Variants in SOX5 observed in about 807,000 individuals in gnomAD.
SOX5 encodes the protein SRY-box transcription factor 5.
SOX5 carries 9 observed loss-of-function variants against 92.0 expected under a neutral mutation model. The ratio of observed to expected loss-of-function variants is 0.10; its 90% CI spans 0.06 to 0.17. The LOEUF is 0.17. SOX5 is among the 10% of genes least tolerant of loss of function. The pLI is 1.00. For synonymous variants in SOX5, 344 were observed against 336.3 expected, an observed-to-expected ratio of 1.02 and a Z score of -0.25; for missense variants, 642 against 944.5, an observed-to-expected ratio of 0.68 and a Z score of 4.20.
At position 23,564,974 on chromosome 12, in the gene SOX5, T is replaced by C. The variant is rs141850827; in HGVS notation, c.1343-1571A>G. ...TGATCCATGCCTCTTCCCCTGTTAG[T>C]ATGCGCAGAGTAGACCTGGTCCTCT... On this transcript the variant is annotated intron_variant, in intron 10 of 14. Transcript: ENST00000451604. Among the ~76,000 whole-genome samples, 424 of 152,316 alleles carry C rather than the reference T, an allele frequency of 2.8e-3. 1 individual carries two copies. Among genetic ancestry groups the C allele is most frequent in the Non-Finnish European group, 4.9e-3 (336 of 68,030 alleles).
chr12:24,364,090 T>C (rs781498015), intron 2 of SOX5, among the ~76,000 whole-genome samples: 3 of 152,260 alleles, frequency 2.0e-5, no homozygotes, highest in Non-Finnish European at 2.9e-5. Context: ...TCCCAATCAG[T>C]GACCGAAGCT....
At chr12:24,378,957 G>T (rs1957552044) in intron 1 of SOX5, among the ~76,000 whole-genome samples, 1 of 152,174 alleles carries the variant, frequency 6.6e-6, no homozygotes, top group Non-Finnish European at 1.5e-5. Context: ...ATGTAGATTT[G>T]TCATGTTCCG....
intron 4 of SOX5, among the ~76,000 whole-genome samples, chr12:24,035,823 A>G (rs1955978121): frequency 6.6e-6 from 1 of 152,088 alleles, no homozygotes; most frequent in Non-Finnish European, 1.5e-5. Context: ...TTAACTGTAC[A>G]GTACCAAAAT....
intron 1 of SOX5, among the ~76,000 whole-genome samples, chr12:24,396,049 C>A (rs954376644): frequency 6.6e-6 from 1 of 152,160 alleles, no homozygotes; most frequent in Admixed American, 6.5e-5. Context: ...TCCATCCTCT[C>A]GTGTCACATA....
intron 1 of SOX5, among the ~76,000 whole-genome samples, chr12:24,489,245 T>C (rs962483834): frequency 6.6e-6 from 1 of 152,242 alleles, no homozygotes; most frequent in African/African-American, 2.4e-5. Flanking sequence ...ATTTGCTTCA[T>C]GTAGATTTCA....
rs577921289 is a variant in SOX5, at chr12:23,855,468, G to A, written c.271-9275C>T. Among the ~76,000 whole-genome samples the A allele has an allele frequency of 7.2e-5, 11 of 152,054 alleles. No homozygotes were observed. In the South Asian group the frequency reaches 2.3e-3, roughly 31 times the overall value. ...TCATTATGAAATAAAACTATTAAAA[G>A]TGAAAGTTTGAAAAAAATGAAGAGT... On this transcript the variant is annotated intron_variant, in intron 2 of 14. Coordinates refer to ENST00000451604, the MANE Select transcript of SOX5 (RefSeq NM_006940.6).
At chr12:24,109,551 C>G (rs1232485939) in intron 4 of SOX5, among the ~76,000 whole-genome samples, 1 of 152,050 alleles carries the variant, frequency 6.6e-6, no homozygotes, top group Non-Finnish European at 1.5e-5. Context: ...AAGTGAGAAA[C>G]AAGTAACAAA....
intron 4 of SOX5, among the ~76,000 whole-genome samples, chr12:24,126,053 G>A (rs1949075011): frequency 6.6e-6 from 1 of 152,144 alleles, no homozygotes; most frequent in African/African-American, 2.4e-5. Context: ...TTCTCTTCCA[G>A]TAGGACCTGT....
chr12:23,821,472 G>A (rs886093365), intron 3 of SOX5, among the ~76,000 whole-genome samples: 2 of 152,200 alleles, frequency 1.3e-5, no homozygotes, highest in African/African-American at 4.8e-5. Context: ...TTGAATAGGA[G>A]TGGAGAGAGA....
At chr12:23,933,530 C>T (rs1941904612) in intron 1 of SOX5, among the ~76,000 whole-genome samples, 1 of 151,560 alleles carries the variant, frequency 6.6e-6, no homozygotes, top group Admixed American at 6.6e-5. Context: ...GTAAAGTTAC[C>T]TTATCTGCTA....
At chr12:23,668,215 T>C (rs2084160135) in intron 6 of SOX5, among the ~76,000 whole-genome samples, 1 of 152,136 alleles carries the variant, frequency 6.6e-6, no homozygotes, top group East Asian at 1.9e-4. Context: ...CAGTAATAAA[T>C]ATTAAACAAG....
chr12:23,741,058 T>C lies in SOX5; in HGVS notation c.569-19A>G. On this transcript the variant is annotated intron_variant, in intron 4 of 14. Coordinates refer to ENST00000451604, the MANE Select transcript of SOX5 (RefSeq NM_006940.6). ...GGAGTCCCTACAAATCATATAGCAA[T>C]AAAACAGACAAAATAAATGAAAAAA... The C allele has an allele frequency of 6.5e-7, 1 of 1,536,604 alleles. No homozygotes were observed. Among genetic ancestry groups the C allele is most frequent in the Non-Finnish European group, 8.8e-7 (1 of 1,135,742 alleles).
rs971048958 is a variant in SOX5, at chr12:24,327,133, G to A, written c.-174+41430C>T. ...ACATTGATAGAAATTTAAAAATTAC[G>A]TGATGATTAAGCTAATCCTTTAATA... On this transcript the variant is annotated intron_variant, in intron 2 of 4. Coordinates refer to the SOX5 transcript ENST00000446891. 1.4e-4 allele frequency among the ~76,000 whole-genome samples: 22 copies of A among 152,226 alleles called. 1 individual carries two copies. Among genetic ancestry groups the A allele is most frequent in the African/African-American group, 2.2e-4 (9 of 41,540 alleles).
At chr12:24,360,956 C>A (rs1955486421) in intron 2 of SOX5, among the ~76,000 whole-genome samples, 1 of 152,178 alleles carries the variant, frequency 6.6e-6, no homozygotes, top group African/African-American at 2.4e-5. Flanking sequence ...CTCCGTCCTT[C>A]TTGATGGTAG....
At chr12:24,350,568 T>C (rs1345656499) in intron 2 of SOX5, among the ~76,000 whole-genome samples, 1 of 151,052 alleles carries the variant, frequency 6.6e-6, no homozygotes, top group East Asian at 1.9e-4. Context: ...GGTCTCAAAC[T>C]CCTGGGCTCA....
intron 1 of SOX5, among the ~76,000 whole-genome samples, chr12:24,538,055 A>G (rs1951793036): frequency 6.6e-6 from 1 of 152,192 alleles, no homozygotes; most frequent in East Asian, 1.9e-4. Flanking sequence ...TGGAACATTA[A>G]CGGGAAGCAA....
rs116419938 is a variant in SOX5 at position 24,169,886 on chromosome 12, G to A, written c.-2+43457C>T. On this transcript the variant is annotated intron_variant, in intron 4 of 4. Transcript: ENST00000446891. ...CCATCCTCGCCACCCCAATCTCAAG[G>A]CTGTCCAGCCTTATACTTGTCCAGC... 2.0e-3 allele frequency among the ~76,000 whole-genome samples: 307 copies of A among 152,290 alleles called. 1 individual carries two copies. Among genetic ancestry groups the A allele is most frequent in the African/African-American group, 7.1e-3 (294 of 41,554 alleles).
At chr12:23,720,613 T>C (rs576436610) in intron 6 of SOX5, among the ~76,000 whole-genome samples, 1 of 151,384 alleles carries the variant, frequency 6.6e-6, no homozygotes, top group African/African-American at 2.4e-5. Flanking sequence ...AAATGATCTT[T>C]AAAAAAAAAT....
intron 2 of SOX5, among the ~76,000 whole-genome samples, chr12:23,867,526 T>C (rs904834215): frequency 2.4e-4 from 36 of 152,134 alleles, no homozygotes; most frequent in African/African-American, 8.4e-4. Context: ...GTGGTAAATA[T>C]ATAAAAACAC....
Sources: gnomAD v4.1 joint callset for allele counts (sites outside exome capture counted in the v4.1 genomes callset) on GRCh38, gnomAD v4.1.1 for gene constraint, MANE v1.5 for transcripts, NCBI Gene and HGNC (gene_info 2026-07-23, HGNC 2026-07-21) for gene names.